Variants in TEX36 observed in about 807,000 individuals in gnomAD.
TEX36 encodes testis expressed 36, also known as testis-expressed protein 36.
Under a neutral mutation model 13.6 loss-of-function variants are expected in TEX36, and 12 were observed. The observed-to-expected ratio is 0.88, with a 90% CI of 0.56 to 1.43. The LOEUF (loss-of-function observed/expected upper bound fraction) is 1.43. TEX36 is among the 40% of genes most tolerant of loss of function. The probability of loss-of-function intolerance (pLI) is 0.00; values close to 1 mark genes in which losing one functional copy is unlikely to be tolerated. For synonymous variants in TEX36, 93 were observed against 83.0 expected, an observed-to-expected ratio of 1.12 and a Z score of -0.65; for missense variants, 224 against 228.3, an observed-to-expected ratio of 0.98 and a Z score of 0.12.
At chr10:125,618,602 G>A (rs866887276), downstream of TEX36, among the ~76,000 whole-genome samples, 5 of 152,046 alleles carry the variant, frequency 3.3e-5, no homozygotes, top group African/African-American at 1.2e-4. Context: ...GCTGCTCGGG[G>A]GTCAGGGGTC....
intron 3 of TEX36, among the ~76,000 whole-genome samples, chr10:125,625,301 A>C (rs559833713): frequency 6.6e-6 from 1 of 152,244 alleles, no homozygotes; most frequent in African/African-American, 2.4e-5. Flanking sequence ...GGTGACAGGA[A>C]CTGAAAATAG....
chr10:125,651,006 T>C (rs1405974511), downstream of TEX36, among the ~76,000 whole-genome samples: 27 of 152,160 alleles, frequency 1.8e-4, no homozygotes, highest in Admixed American at 1.8e-3. Context: ...CAATAATTAA[T>C]AGCTTACCAA....
chr10:125,609,445 C>T (rs1367286541), intron 3 of TEX36, among the ~76,000 whole-genome samples: 1 of 152,172 alleles, frequency 6.6e-6, no homozygotes, highest in Non-Finnish European at 1.5e-5. Context: ...TCAGCTGTGG[C>T]CTTGAATGGT....
At chr10:125,589,407 T>G (rs1460453513) in intron 3 of TEX36, among the ~76,000 whole-genome samples, 1 of 152,228 alleles carries the variant, frequency 6.6e-6, no homozygotes. Context: ...GGGGTGATAG[T>G]GGCCACCCTT....
intron 3 of TEX36, among the ~76,000 whole-genome samples, chr10:125,634,428 G>T (rs1055962754): frequency 1.3e-5 from 2 of 152,134 alleles, no homozygotes; most frequent in Non-Finnish European, 2.9e-5. Context: ...GAGTACTGAT[G>T]GGGGAGCAGT....
intron 1 of TEX36, chr10:125,667,829 G>A (rs1847148594): frequency 7.2e-7 from 1 of 1,393,850 alleles, no homozygotes; most frequent in African/African-American, 1.4e-5. Flanking sequence ...CAGCCGCTTG[G>A]CAATGCTCCC....
chr10:125,643,432 A>C (rs1846718767), intron 3 of TEX36, among the ~76,000 whole-genome samples: 1 of 152,038 alleles, frequency 6.6e-6, no homozygotes, highest in Non-Finnish European at 1.5e-5. Context: ...ACATGGCGAA[A>C]CCCTATCTCT....
chr10:125,680,546 A>G (rs1847377538), intron 1 of TEX36, among the ~76,000 whole-genome samples: 1 of 152,202 alleles, frequency 6.6e-6, no homozygotes, highest in Non-Finnish European at 1.5e-5. Context: ...AGGAAGGGGC[A>G]AGTGTGTGGA....
chr10:125,667,643 C>G, intron 1 of TEX36: 1 of 722,510 alleles, frequency 1.4e-6, no homozygotes, highest in East Asian at 2.5e-5. Flanking sequence ...GCCCCCAACA[C>G]CACCCTTGGA....
At chr10:125,667,787 TTC>T in intron 1 of TEX36, 1 of 1,005,530 alleles carries the variant, frequency 9.9e-7, no homozygotes, top group Non-Finnish European at 1.5e-6. Context: ...GAAGCGCCAG[TTC>T]TCTTTGGTGT....
chr10:125,621,797 T>A (rs1846432232), intron 3 of TEX36, among the ~76,000 whole-genome samples: 1 of 152,100 alleles, frequency 6.6e-6, no homozygotes, highest in Non-Finnish European at 1.5e-5. Flanking sequence ...GGCTGAAGAA[T>A]CTGGAGTATG....
chr10:125,613,297 T>C (rs1205150000), intron 3 of TEX36, among the ~76,000 whole-genome samples: 2 of 145,690 alleles, frequency 1.4e-5, no homozygotes, highest in Non-Finnish European at 3.0e-5. Flanking sequence ...ATTATTATTA[T>C]ACTTTAAGTT....
rs182400309 is a variant in TEX36 at position 125,675,437 on chromosome 10, C to T, written c.51+7502G>A. On this transcript the variant is annotated intron_variant, in intron 1 of 3. Transcript: ENST00000368821. ...ACGGTGATGATGGCCACCCCTCCCC[C>T]CAGGAACTCGGTAGTCTTAGGCAGT... Among the ~76,000 whole-genome samples the T allele has an allele frequency of 9.9e-5, 15 of 152,174 alleles. No individual in the cohort carries two copies. In the East Asian group the frequency reaches 2.7e-3, roughly 27 times the overall value.
chr10:125,653,111 A>G (rs1189384641), downstream of TEX36, among the ~76,000 whole-genome samples: 2 of 152,180 alleles, frequency 1.3e-5, no homozygotes, highest in Middle Eastern at 3.2e-3. Context: ...TAGAAATACC[A>G]TTTGACCCAG....
downstream of TEX36, among the ~76,000 whole-genome samples, chr10:125,617,151 C>G (rs1181453645): frequency 5.9e-5 from 9 of 151,778 alleles, no homozygotes; most frequent in African/African-American, 9.7e-5. Context: ...AGATCTTCCT[C>G]CATCCTTTTA....
intron 3 of TEX36, among the ~76,000 whole-genome samples, chr10:125,633,695 C>T (rs932973707): frequency 6.6e-6 from 1 of 152,054 alleles, no homozygotes. Context: ...AAATTTGATA[C>T]GAGGTGCTGC....
rs191818963 is a variant in TEX36 at position 125,583,154 on chromosome 10, A to T, written c.265-6280T>A. ...CTGACAATCTGTCCAGCAGCCAGGA[A>T]CTAAATTGAAGTTTACTTTCCCTGA... On this transcript the variant is annotated intron_variant, in intron 3 of 3. Transcript: ENST00000532135. Among the ~76,000 whole-genome samples the T allele has an allele frequency of 2.5e-4, 38 of 152,362 alleles. No homozygotes were observed. The East Asian group carries it at 6.9e-3, about 28-fold the overall frequency.
intron 3 of TEX36, among the ~76,000 whole-genome samples, chr10:125,583,777 T>C (rs1255027640): frequency 6.6e-6 from 1 of 152,188 alleles, no homozygotes; most frequent in African/African-American, 2.4e-5. Context: ...ATTGCCTCAA[T>C]ATAGATACAT....
At chr10:125,661,774 C>CA in intron 2 of TEX36, 72 bp downstream of exon 2, 1 of 1,526,126 alleles carries the variant, frequency 6.6e-7, no homozygotes, top group Non-Finnish European at 8.8e-7. Context: ...TTGTTTGGCC[C>CA]AACGTGCCAG....
Sources: allele counts gnomAD v4.1 joint callset (sites outside exome capture counted in the v4.1 genomes callset), GRCh38; gene constraint gnomAD v4.1.1; transcripts MANE v1.5; gene names NCBI Gene and HGNC (gene_info 2026-07-23, HGNC 2026-07-21).